The following CDH2 variants were observed in gnomAD, a reference collection of about 807,000 sequenced individuals.
The protein encoded by CDH2 is cadherin-2.
A neutral mutation model predicts 92.0 loss-of-function variants in CDH2; 17 were observed. The ratio of observed to expected loss-of-function variants is 0.18; its 90% confidence interval spans 0.13 to 0.28. CDH2 has a LOEUF of 0.28. Among genes scored for constraint, CDH2 ranks in the 10% least tolerant of loss-of-function variants. The pLI, the probability that CDH2 is intolerant of heterozygous loss-of-function variation, is 1.00. For missense variants in CDH2, 862 were observed against 1,133.1 expected (o/e 0.76, Z 3.44); for synonymous variants, 419 against 415.9 (o/e 1.01, Z -0.09).
chr18:27,961,486 A>C (rs2011402952), intron 15 of CDH2, among the ~76,000 whole-genome samples: 1 of 152,122 alleles, frequency 6.6e-6, no homozygotes, highest in Non-Finnish European at 1.5e-5. Flanking sequence ...GCAGTCCTGC[A>C]GATGGACAAT....
chr18:27,981,325 GATTA>G (rs1391147394), intron 14 of CDH2, among the ~76,000 whole-genome samples: 1 of 152,146 alleles, frequency 6.6e-6, no homozygotes, highest in Non-Finnish European at 1.5e-5. Context: ...TGAAAGGATA[GATTA>G]ATTAAAGAAT....
chr18:28,131,169 G>GT (rs2015763082), intron 2 of CDH2, among the ~76,000 whole-genome samples: 1 of 151,948 alleles, frequency 6.6e-6, no homozygotes, highest in Non-Finnish European at 1.5e-5. Context: ...GTATTTGAAA[G>GT]TTATAATTCC....
chr18:28,002,107 G>C (rs1175885883), intron 7 of CDH2, among the ~76,000 whole-genome samples: 1 of 152,178 alleles, frequency 6.6e-6, no homozygotes, highest in Non-Finnish European at 1.5e-5. Flanking sequence ...AGTCAGGACA[G>C]AATCGAGAAA....
chr18:28,102,365 A>C (rs2015240963), intron 2 of CDH2, among the ~76,000 whole-genome samples: 1 of 152,072 alleles, frequency 6.6e-6, no homozygotes, highest in Non-Finnish European at 1.5e-5. Context: ...GGGTATTCTG[A>C]CCCATCTCTG....
chr18:28,025,671 A>C (rs1023803983), intron 2 of CDH2, among the ~76,000 whole-genome samples: 1 of 151,668 alleles, frequency 6.6e-6, no homozygotes, highest in Non-Finnish European at 1.5e-5. Flanking sequence ...GTTTTGATAC[A>C]TGTACATGTA....
At chr18:27,945,698 TG>T (rs1447672093) in intron 6 of CDH2, among the ~76,000 whole-genome samples, 2 of 152,106 alleles carry the variant, frequency 1.3e-5, no homozygotes, top group African/African-American at 2.4e-5. Flanking sequence ...TGAAGAGCTG[TG>T]GGAACAACCA....
Position 27,988,652 on chromosome 18 carries a change from G to C in CDH2, c.1613C>G (p.Ser538Cys), listed in dbSNP as rs370514300. 2 of 1,601,184 alleles carry C rather than the reference G, an allele frequency of 1.2e-6. No homozygotes were observed. Among genetic ancestry groups the C allele is most frequent in the Non-Finnish European group, 1.7e-6 (2 of 1,169,630 alleles). The change falls in exon 11 of 16, where the codon TCT becomes TGT. Residue 538 changes from serine (S) to cysteine (C), a missense_variant. Transcript: ENST00000269141. ...TATTTTTAGCCAATTGGCAGGATCAGATAATTTAGTGTATCTACAAAATGA... is the reference window on the plus strand; with the variant it reads ...TATTTTTAGCCAATTGGCAGGATCACATAATTTAGTGTATCTACAAAATGA... Reference protein sequence around the residue: ...MQQNIRYTKLSDPANWLKIDP... With the variant: ...MQQNIRYTKLCDPANWLKIDP...
At chr18:28,086,623 G>A (rs2014933128) in intron 2 of CDH2, among the ~76,000 whole-genome samples, 2 of 152,080 alleles carry the variant, frequency 1.3e-5, no homozygotes, top group African/African-American at 2.4e-5. Context: ...TATGAATCTG[G>A]ACAATTACAA....
chr18:28,058,851 C>A (rs1250586428), intron 2 of CDH2, among the ~76,000 whole-genome samples: 6 of 152,170 alleles, frequency 3.9e-5, no homozygotes, highest in African/African-American at 1.4e-4. Flanking sequence ...TGCTTATTGG[C>A]TAAGTAGGAG....
chr18:28,066,685 GT>G (rs1218054303), intron 2 of CDH2, among the ~76,000 whole-genome samples: 1 of 151,640 alleles, frequency 6.6e-6, no homozygotes, highest in Non-Finnish European at 1.5e-5. Context: ...AATCTGAATT[GT>G]ACAAAGGGTA....
chr18:28,097,912 A>G (rs2015163541), intron 2 of CDH2, among the ~76,000 whole-genome samples: 1 of 152,116 alleles, frequency 6.6e-6, no homozygotes, highest in South Asian at 2.1e-4. Context: ...TTTTTTGTTA[A>G]TTTCCTTTTG....
intron 2 of CDH2, among the ~76,000 whole-genome samples, chr18:28,037,710 AC>A (rs2013863730): frequency 6.6e-6 from 1 of 152,220 alleles, no homozygotes; most frequent in Non-Finnish European, 1.5e-5. Context: ...GGGCAAACTT[AC>A]AAAAACTTGG....
chr18:27,937,387 C>A (rs1909044193), intron 6 of CDH2, among the ~76,000 whole-genome samples: 1 of 151,916 alleles, frequency 6.6e-6, no homozygotes, highest in African/African-American at 2.4e-5. Flanking sequence ...ACTTTTTGAA[C>A]CTTAGTTTAC....
intron 2 of CDH2, among the ~76,000 whole-genome samples, chr18:28,095,822 A>AAAAAAAAAAAAG (rs1555641273): frequency 1.4e-5 from 2 of 147,168 alleles, no homozygotes; most frequent in African/African-American, 2.5e-5. Flanking sequence ...AAAAAAAAAA[A>AAAAAAAAAAAAG]AAAGAAAGAA....
chr18:27,934,011 T>C (rs1046227068), intron 6 of CDH2, among the ~76,000 whole-genome samples: 10 of 152,214 alleles, frequency 6.6e-5, no homozygotes, highest in Admixed American at 6.5e-4. Context: ...TATCAGCCAG[T>C]AAATACAGTT....
At chr18:27,983,199 G>A (rs951338730) in intron 13 of CDH2, 116 bp from the exon 14 acceptor site, 14 of 678,836 alleles carry the variant, frequency 2.1e-5, no homozygotes, top group African/African-American at 5.6e-5. Flanking sequence ...CCTGAAATGC[G>A]TCTTTCACTC....
intron 2 of CDH2, chr18:28,036,331 A>G: frequency 1.6e-6 from 1 of 634,666 alleles, no homozygotes; most frequent in South Asian, 1.8e-5. Flanking sequence ...TTAGGTTAAC[A>G]GAAATTCACA....
chr18:28,166,710 C>G (rs551873599), intron 1 of CDH2, among the ~76,000 whole-genome samples: 16 of 152,200 alleles, frequency 1.1e-4, no homozygotes, highest in African/African-American at 2.9e-4. Context: ...AAAATTAAAT[C>G]CACAAGTGTA....
At chr18:28,064,138 G>GGC (rs1555637934) in intron 2 of CDH2, among the ~76,000 whole-genome samples, 5 of 151,594 alleles carry the variant, frequency 3.3e-5, no homozygotes, top group Non-Finnish European at 5.9e-5. Flanking sequence ...CTCAAAAGAG[G>GGC]GGGGGGTAGG....
Sources: gnomAD v4.1 joint callset for allele counts (sites outside exome capture counted in the v4.1 genomes callset) on GRCh38, gnomAD v4.1.1 for gene constraint, MANE v1.5 for transcripts, NCBI Gene and HGNC (gene_info 2026-07-23, HGNC 2026-07-21) for gene names.